Variants in SCN1A observed in about 807,000 individuals in gnomAD.
SCN1A encodes the protein sodium channel protein type 1 subunit alpha.
Under a neutral mutation model 193.7 loss-of-function variants are expected in SCN1A, and 13 were observed. The observed-to-expected ratio is 0.07, with a 90% CI of 0.04 to 0.11. The LOEUF (loss-of-function observed/expected upper bound fraction) is 0.11. Among genes scored for constraint, SCN1A ranks in the 10% least tolerant of loss-of-function variants. The pLI, the probability that SCN1A is intolerant of heterozygous loss-of-function variation, is 1.00. For synonymous variants in SCN1A, 781 were observed against 843.6 expected (o/e 0.93, Z 1.29); for missense variants, 1,432 against 2,451.1 (o/e 0.58, Z 8.78).
rs771955386 is a variant in SCN1A at position 166,051,903 on chromosome 2, T to C, written c.780A>G (p.Val260=). The change falls in exon 9 of 29, where the codon GTA becomes GTG. Residue 260 remains valine (V), a synonymous_variant. Transcript: ENST00000674923. ...ACAGCTGCAGCCCAATTAGAGCAAA[T>C]ACGCTCAGACAGAACACAGTCAGGA... ...VMILTVFCLS[V]FALIGLQLFM... is the part of the protein sequence containing the mutation. The C allele has an allele frequency of 6.2e-7, 1 of 1,612,500 alleles. No homozygotes were observed. Among genetic ancestry groups the C allele is most frequent in the Non-Finnish European group, 8.5e-7 (1 of 1,178,978 alleles).
chr2:166,123,440 T>C (rs895661090), intron 2 of SCN1A: 1 of 151,226 alleles, frequency 6.6e-6, no homozygotes, highest in Admixed American at 6.6e-5. Flanking sequence ...ATTCAAACAA[T>C]TTTTTTTTCA....
Position 165,991,794 on chromosome 2 carries a change from T to C in SCN1A, c.5481A>G (p.Lys1827=). The change falls in exon 29 of 29, where the codon AAA becomes AAG. Residue 1827 remains lysine (K), a synonymous_variant. Coordinates refer to ENST00000674923, the MANE Select transcript of SCN1A (RefSeq NM_001165963.4). ...PDATQFMEFE[K]LSQFAAALEP... ...CAAGCGCAGCTGCAAACTGAGATAA[T>C]TTTTCAAATTCCATGAACTGAGTTG... 3 of 1,613,920 alleles carry C rather than the reference T, an allele frequency of 1.9e-6. No homozygotes were observed. Among genetic ancestry groups the C allele is most frequent in the Non-Finnish European group, 2.5e-6 (3 of 1,179,948 alleles).
intron 23 of SCN1A, among the ~76,000 whole-genome samples, chr2:166,005,922 T>A (rs1691590763): frequency 6.6e-6 from 1 of 151,360 alleles, no homozygotes; most frequent in South Asian, 2.1e-4. Flanking sequence ...AGAAGCTTTT[T>A]TTTCAAAACA....
chr2:166,073,444 T>A lies in SCN1A; in HGVS notation c.178A>T (p.Asn60Tyr), dbSNP rs768312630. 1 of 1,614,196 alleles carries A rather than the reference T, an allele frequency of 6.2e-7. No homozygotes were observed. Among genetic ancestry groups the A allele is most frequent in the Non-Finnish European group, 8.5e-7 (1 of 1,180,010 alleles). The change falls in exon 4 of 29, where the codon AAC becomes TAC. Residue 60 changes from asparagine (N) to tyrosine (Y), a missense_variant. Physicochemically the swap from Asn to Tyr is moderately radical, Grantham distance 143. This residue lies in a region of SCN1A where 123 missense variants were observed against 282.8 expected (regional missense o/e 0.43). Transcript: ENST00000674923. ...KPNSDLEAGK[N>Y]LPFIYGDIPP... ...ATGTCTCCATAAATAAATGGAAGGT[T>A]CTTTCCAGCTTCCAAGTCACTATTT...
chr2:166,032,234 C>CACACACACACACACACACAG (rs1695722740), intron 19 of SCN1A, among the ~76,000 whole-genome samples: 14 of 151,688 alleles, frequency 9.2e-5, no homozygotes, highest in South Asian at 2.1e-4. Flanking sequence ...CACACACACA[C>CACACACACACACACACACAG]AGAGACAGAG....
At chr2:166,007,538 T>A (rs1194401371) in intron 23 of SCN1A, among the ~76,000 whole-genome samples, 1 of 151,340 alleles carries the variant, frequency 6.6e-6, no homozygotes. Flanking sequence ...TTTTACAAGT[T>A]GAAAAATTTG....
chr2:166,050,612 A>ACTATATATATATATATAT, intron 9 of SCN1A, among the ~76,000 whole-genome samples: 1 of 29,936 alleles, frequency 3.3e-5, no homozygotes, highest in South Asian at 1.2e-3. Flanking sequence ...CATTAAAAAA[A>ACTATATATATATATATAT]GTATATATAT....
intron 1 of SCN1A, among the ~76,000 whole-genome samples, chr2:166,135,184 C>T (rs1691808693): frequency 6.6e-6 from 1 of 152,024 alleles, no homozygotes; most frequent in African/African-American, 2.4e-5. Context: ...TATTGGAACT[C>T]GAATACCAAT....
At chr2:166,073,303 C>T in intron 4 of SCN1A, 55 bp downstream of exon 4, 1 of 1,604,958 alleles carries the variant, frequency 6.2e-7, no homozygotes, top group Non-Finnish European at 8.5e-7. Context: ...CTACAACAGT[C>T]CAAGGAATGC....
At chr2:166,041,188 G>T in intron 16 of SCN1A, 43 bp downstream of exon 16, 1 of 1,404,402 alleles carries the variant, frequency 7.1e-7, no homozygotes, top group Non-Finnish European at 1.0e-6. Flanking sequence ...TTTTCAAGCA[G>T]AAAATTTGAA....
chr2:166,058,708 C>T lies in SCN1A; in HGVS notation c.265-20G>A. 1 of 1,318,878 alleles carries T rather than the reference C, an allele frequency of 7.6e-7. No homozygotes were observed. The highest frequency in any genetic ancestry group is 1.1e-6 in the Non-Finnish European group (1 of 911,518). The allele number at this position is 1,318,878 out of a possible 1,614,324, so 81.7% of individuals were successfully genotyped here. A position where few individuals can be genotyped will look rare whatever the true frequency, so the allele number is the denominator to read the frequency against. On this transcript the variant is annotated intron_variant, in intron 4 of 28. Coordinates refer to ENST00000674923, the MANE Select transcript of SCN1A (RefSeq NM_001165963.4). ...AAAAGTCTGTAAGACAGGAACACAA[C>T]ATAGAAGTATGAAAGTATAAACCAC...
intron 7 of SCN1A, chr2:166,053,249 G>T (rs939314202): frequency 1.6e-6 from 1 of 606,488 alleles, no homozygotes; most frequent in Admixed American, 2.9e-5. Context: ...GGTAAATCAG[G>T]AATTAGATTC....
chr2:165,991,219 A>G lies in SCN1A; in HGVS notation c.*26T>C. ...CTTCACAGGCTGTAAACAATTTGTC[A>G]CCCAATTATTTTTATTTATTTTCAT... On this transcript the variant is annotated 3_prime_UTR_variant, in exon 29 of 29. Transcript: ENST00000674923. 6.4e-7 allele frequency: 1 copy of G among 1,566,644 alleles called. No individual in the cohort carries two copies. Among genetic ancestry groups the G allele is most frequent in the East Asian group, 2.3e-5 (1 of 42,762 alleles).
intron 1 of SCN1A, among the ~76,000 whole-genome samples, chr2:166,135,029 T>C (rs1691801792): frequency 6.6e-6 from 1 of 152,212 alleles, no homozygotes; most frequent in African/African-American, 2.4e-5. Context: ...GTTTATGTGT[T>C]CTTTCCTTTG....
At chr2:166,052,710 A>G in intron 8 of SCN1A, 142 bp downstream of exon 8, 1 of 781,604 alleles carries the variant, frequency 1.3e-6, no homozygotes, top group Non-Finnish European at 2.2e-6. Context: ...AGGCTGATAA[A>G]GCTTATGTCT....
chr2:166,090,832 T>C (rs1262540854), intron 2 of SCN1A, among the ~76,000 whole-genome samples: 1 of 152,234 alleles, frequency 6.6e-6, no homozygotes, highest in Non-Finnish European at 1.5e-5. Context: ...TAATATTTTA[T>C]ATCTATTGGT....
intron 2 of SCN1A, among the ~76,000 whole-genome samples, chr2:166,078,936 A>G (rs1182336836): frequency 6.6e-6 from 1 of 151,630 alleles, no homozygotes. Flanking sequence ...TTTTAAATTT[A>G]TGTTTAGTTT....
chr2:166,089,287 A>C lies in SCN1A; in HGVS notation c.-141-11486T>G, dbSNP rs552860649. Among the ~76,000 whole-genome samples, 41 of 152,270 alleles carry C rather than the reference A, an allele frequency of 2.7e-4. No individual in the cohort carries two copies. In the South Asian group the frequency reaches 6.0e-3, roughly 22 times the overall value. On this transcript the variant is annotated intron_variant, in intron 2 of 28. Transcript: ENST00000674923. ...TTCATTGTTTATCTGAAAGTCAAAT[A>C]TAACTGGACAGTTTGTATGTTTAGT... is the stretch of plus-strand genomic sequence containing the variant.
chr2:166,017,426 A>G (rs145938519), intron 19 of SCN1A, among the ~76,000 whole-genome samples: 1 of 152,044 alleles, frequency 6.6e-6, no homozygotes, highest in Non-Finnish European at 1.5e-5. Flanking sequence ...ATTCTCAATC[A>G]AACTACTCAT....
Sources: allele counts gnomAD v4.1 joint callset (sites outside exome capture counted in the v4.1 genomes callset), GRCh38; gene constraint gnomAD v4.1.1; regional missense constraint gnomAD v4.1.1; transcripts MANE v1.5; gene names NCBI Gene and HGNC (gene_info 2026-07-23, HGNC 2026-07-21).